ANP32E: variants seen among roughly 807,000 people sequenced by gnomAD.
ANP32E encodes acidic nuclear phosphoprotein 32 family member E.
ANP32E carries 14 observed loss-of-function variants against 35.3 expected under a neutral mutation model. The observed-to-expected ratio is 0.40, with a 90% CI of 0.26 to 0.62. The LOEUF (loss-of-function observed/expected upper bound fraction) is 0.62, where lower values mean the gene tolerates loss of function less well. Among genes scored for constraint, ANP32E ranks in the 20% least tolerant of loss-of-function variants. The pLI, the probability that ANP32E is intolerant of heterozygous loss-of-function variation, is 0.45. For synonymous variants in ANP32E, 89 were observed against 110.4 expected (o/e 0.81, Z 1.22); for missense variants, 198 against 304.4 (o/e 0.65, Z 2.60).
Position 150,229,253 on chromosome 1 carries a change from T to C in ANP32E, c.328-16A>G, listed in dbSNP as rs1553841010. ...TAAGATTTTGCTGGAAAAGTAAAGT[T>C]AAAACTTACATTCAAGATTTAAAAT... On this transcript the variant is annotated splice_polypyrimidine_tract_variant and intron_variant, in intron 3 of 6. Transcript: ENST00000583931. 2 of 1,447,762 alleles carry C rather than the reference T, an allele frequency of 1.4e-6. No homozygotes were observed. Among genetic ancestry groups the C allele is most frequent in the South Asian group, 1.3e-5 (1 of 78,922 alleles). 89.7% of individuals were successfully genotyped at this position (1,447,762 alleles called of 1,614,324 possible).
At chr1:150,231,412 T>G (rs1200308680) in intron 2 of ANP32E, among the ~76,000 whole-genome samples, 1 of 151,990 alleles carries the variant, frequency 6.6e-6, no homozygotes, top group Non-Finnish European at 1.5e-5. Context: ...CTGGACAACA[T>G]GGTGAAACCC....
chr1:150,234,297 G>GT (rs1172074886), intron 1 of ANP32E, among the ~76,000 whole-genome samples: 151,702 of 151,842 alleles, frequency 1, 75,781 homozygotes, highest in Middle Eastern at 1. Context: ...TTTGATTTTG[G>GT]TTTTTTTATT....
Position 150,232,474 on chromosome 1 carries a change from C to CTTTTTTTTTTTTTTTTTTTTTTT in ANP32E, c.55-549_55-548insAAAAAAAAAAAAAAAAAAAAAAA, listed in dbSNP as rs1649436206. 8.1e-5 allele frequency among the ~76,000 whole-genome samples: 2 copies of CTTTTTTTTTTTTTTTTTTTTTTT among 24,654 alleles called. 1 individual carries two copies. Among genetic ancestry groups the CTTTTTTTTTTTTTTTTTTTTTTT allele is most frequent in the Non-Finnish European group, 1.6e-4 (2 of 12,634 alleles). 16.2% of individuals were successfully genotyped at this position (24,654 alleles called of 152,430 possible). On this transcript the variant is annotated intron_variant, in intron 1 of 6. Transcript: ENST00000583931. The stretch of plus-strand genomic sequence containing the variant: ...AAGTAATCTTTTAAATTTCTTTTTT[C>CTTTTTTTTTTTTTTTTTTTTTTT]TTTTTTTTTTTTTGTAGATGGAGTC...
At chr1:150,232,905 T>C (rs587755720) in intron 1 of ANP32E, among the ~76,000 whole-genome samples, 16 of 152,242 alleles carry the variant, frequency 1.1e-4, no homozygotes, top group African/African-American at 3.4e-4. Context: ...CAACATCAGA[T>C]AATATATTTA....
At chr1:150,231,604 A>C (rs1379338197) in intron 2 of ANP32E, among the ~76,000 whole-genome samples, 173 bp downstream of exon 2, 1 of 152,224 alleles carries the variant, frequency 6.6e-6, no homozygotes, top group Non-Finnish European at 1.5e-5. Context: ...TAAATAAATA[A>C]ATTTATAAAA....
At chr1:150,222,175 C>T (rs1159368469) in intron 6 of ANP32E, among the ~76,000 whole-genome samples, 2 of 152,014 alleles carry the variant, frequency 1.3e-5, no homozygotes, top group Admixed American at 6.6e-5. Context: ...AATCCCAGCA[C>T]TTTGGGAGGC....
In ANP32E at chr1:150,235,731, ACCT is replaced by A; in HGVS notation, c.53_54+1del. ...GAAGCGGTGGGGGCTGAGTCATCTCACCTCCTCCGGGGATCTGTTCCTTAACTC... is the reference window on the plus strand; with the variant it reads ...GAAGCGGTGGGGGCTGAGTCATCTCACCTCCGGGGATCTGTTCCTTAACTC... On this transcript the variant is annotated splice_donor_variant and coding_sequence_variant, in exon 1 of 7. Transcript: ENST00000583931. LOFTEE classifies it high-confidence loss of function. The surrounding 1 kb of genome is among the most constrained non-coding windows in gnomAD (Gnocchi z 4.2). 6.2e-7 allele frequency: 1 copy of A among 1,612,902 alleles called. No homozygotes were observed. Among genetic ancestry groups the A allele is most frequent in the Non-Finnish European group, 8.5e-7 (1 of 1,179,570 alleles).
chr1:150,229,628 G>A (rs999813811), intron 3 of ANP32E, among the ~76,000 whole-genome samples: 7 of 152,158 alleles, frequency 4.6e-5, no homozygotes, highest in African/African-American at 1.2e-4. Context: ...ACAGGCATGC[G>A]CCTCCACACG....
At position 150,226,692 on chromosome 1, in the gene ANP32E, A is replaced by T; in HGVS notation, c.597T>A (p.Asp199Glu). ...CTGAACCTGCTTCATCTTCATCTTC[A>T]TCCTCATCCTCATCCTCCTCTTCCT... ...EEEEEEDEDEDEDEDEAGSEL... is the reference protein window; with the variant it reads ...EEEEEEDEDEEEDEDEAGSEL... Residue 199 changes from aspartate to glutamate, a missense_variant, in exon 5 of 7, where the codon GAT (aspartate) becomes GAA (glutamate). Transcript: ENST00000583931. 2.5e-6 allele frequency: 4 copies of T among 1,577,190 alleles called. 1 individual carries two copies. The South Asian group carries it at 4.5e-5, about 18-fold the overall frequency.
intron 6 of ANP32E, among the ~76,000 whole-genome samples, chr1:150,221,604 G>GGGAAGGAAGGAAGGAAGGAA (rs1330142808): frequency 0.14 from 5,254 of 36,832 alleles, 776 homozygotes; most frequent in Non-Finnish European, 0.16. Flanking sequence ...GAGGGAGGGA[G>GGGAAGGAAGGAAGGAAGGAA]GGAAGGAAGG....
intron 6 of ANP32E, 75 bp downstream of exon 6, chr1:150,223,110 GA>G: frequency 7.0e-7 from 1 of 1,421,684 alleles, no homozygotes; most frequent in Non-Finnish European, 9.5e-7. Flanking sequence ...TAAAGTGTAT[GA>G]AATACAAATA....
chr1:150,231,431 C>CA (rs1215558862), intron 2 of ANP32E, among the ~76,000 whole-genome samples: 1 of 151,906 alleles, frequency 6.6e-6, no homozygotes, highest in South Asian at 2.1e-4. Flanking sequence ...CCTATCTCTG[C>CA]AAAAAATACA....
chr1:150,226,294 A>T (rs587634408), intron 5 of ANP32E, among the ~76,000 whole-genome samples: 11 of 152,334 alleles, frequency 7.2e-5, no homozygotes, highest in Admixed American at 2.0e-4. Context: ...GGTGTGAGCC[A>T]CCATGCCCGG....
At chr1:150,230,745 A>AAAAT in intron 2 of ANP32E, 52 bp from the exon 3 acceptor site, 1 of 1,404,710 alleles carries the variant, frequency 7.1e-7, no homozygotes. Flanking sequence ...ATCATATCAA[A>AAAAT]CTTTTTTTTT....
chr1:150,233,110 C>G (rs1009894092), intron 1 of ANP32E, among the ~76,000 whole-genome samples: 1 of 151,710 alleles, frequency 6.6e-6, no homozygotes, highest in Non-Finnish European at 1.5e-5. Flanking sequence ...ACTAAAAATA[C>G]AAAAATCAGC....
chr1:150,228,585 G>C lies in ANP32E; in HGVS notation c.493+487C>G, dbSNP rs200250142. 1.2e-3 allele frequency among the ~76,000 whole-genome samples: 181 copies of C among 152,040 alleles called. 1 individual carries two copies. The highest frequency in any genetic ancestry group is 6.8e-4 in the Non-Finnish European group (46 of 67,982). Reference sequence around the variant, plus strand: ...CGGGCACCTGTAATCCCAGCAACTTGGGAGGCTGAGGCAGGAGAACTGCTT... The same window carrying C: ...CGGGCACCTGTAATCCCAGCAACTTCGGAGGCTGAGGCAGGAGAACTGCTT... On this transcript the variant is annotated intron_variant, in intron 4 of 6. Transcript: ENST00000583931.
chr1:150,221,921 C>G (rs1648440747), intron 6 of ANP32E, among the ~76,000 whole-genome samples: 2 of 151,832 alleles, frequency 1.3e-5, no homozygotes, highest in Non-Finnish European at 2.9e-5. Context: ...GAGACCCCGT[C>G]TATACAAAAA....
intron 3 of ANP32E, 113 bp from the exon 4 acceptor site, chr1:150,229,350 T>C (rs1281971947): frequency 9.3e-6 from 6 of 648,180 alleles, no homozygotes; most frequent in Non-Finnish European, 1.5e-5. Flanking sequence ...CCAGCTGGAA[T>C]TCAGCGCCAC....
chr1:150,223,950 G>A (rs1648662984), intron 5 of ANP32E, among the ~76,000 whole-genome samples: 1 of 151,780 alleles, frequency 6.6e-6, no homozygotes, highest in African/African-American at 2.4e-5. Flanking sequence ...TCTCCATGTT[G>A]GTCAGGCTGG....
Sources: allele counts gnomAD v4.1 joint callset (sites outside exome capture counted in the v4.1 genomes callset), GRCh38; gene constraint gnomAD v4.1.1; non-coding constraint Gnocchi (gnomAD v3.1); transcripts MANE v1.5; gene names NCBI Gene and HGNC (gene_info 2026-07-23, HGNC 2026-07-21).